The following KLHL29 variants were observed in gnomAD, a reference collection of about 807,000 sequenced individuals.
KLHL29 encodes kelch-like protein 29.
In KLHL29, 21 loss-of-function variants were observed where a neutral mutation model predicts 80.4. The ratio of observed to expected loss-of-function variants is 0.26; its 90% CI spans 0.19 to 0.38. KLHL29 has a LOEUF of 0.38. Among genes scored for constraint, KLHL29 ranks in the 10% least tolerant of loss-of-function variants. The probability of loss-of-function intolerance (pLI) is 1.00; values close to 1 mark genes in which losing one functional copy is unlikely to be tolerated. For missense variants in KLHL29, 867 were observed against 1,223.9 expected, an observed-to-expected ratio of 0.71 and a Z score of 4.35; for synonymous variants, 511 against 526.8, an observed-to-expected ratio of 0.97 and a Z score of 0.41.
chr2:23,488,531 G>T (rs111972275), intron 2 of KLHL29, among the ~76,000 whole-genome samples: 5 of 152,344 alleles, frequency 3.3e-5, no homozygotes, highest in African/African-American at 4.8e-5. Flanking sequence ...GGAAGGAGAG[G>T]CCTGATGGGT....
At chr2:23,482,465 G>T (rs58605779) in intron 2 of KLHL29, among the ~76,000 whole-genome samples, 8,324 of 152,270 alleles carry the variant, frequency 0.055, 277 homozygotes, top group African/African-American at 0.086. Context: ...TGGGAGTGTC[G>T]CTGTGCCCTT....
Position 23,503,969 on chromosome 2 carries a change from C to T in KLHL29, c.-46+28302C>T, listed in dbSNP as rs1247479434. Among the ~76,000 whole-genome samples, 3 of 152,142 alleles carry T rather than the reference C, an allele frequency of 2.0e-5. No individual in the cohort carries two copies. The highest frequency in any genetic ancestry group is 6.5e-5 in the Admixed American group (1 of 15,278). On this transcript the variant is annotated intron_variant, in intron 2 of 13. Coordinates refer to ENST00000486442, the MANE Select transcript of KLHL29 (RefSeq NM_052920.2). This position sits in a 1 kb window ranked among gnomAD's most constrained non-coding sequence, Gnocchi z 4.0. Reference sequence around the variant, plus strand: ...CCAGATGAACCCACTGGGCTGGGAACGCCACACAAAAGCACTCTCCAAGCC... The same window carrying T: ...CCAGATGAACCCACTGGGCTGGGAATGCCACACAAAAGCACTCTCCAAGCC...
At chr2:23,512,015 G>A (rs1209516297) in intron 2 of KLHL29, among the ~76,000 whole-genome samples, 1 of 152,160 alleles carries the variant, frequency 6.6e-6, no homozygotes, top group African/African-American at 2.4e-5. Flanking sequence ...CAGGGCTCTC[G>A]GTAGAAAACA....
intron 13 of KLHL29, among the ~76,000 whole-genome samples, chr2:23,705,963 C>T (rs1444624333): frequency 1.3e-5 from 2 of 152,232 alleles, no homozygotes; most frequent in African/African-American, 2.4e-5. Flanking sequence ...CCCTGCAGAG[C>T]ATGCCCGGCC....
rs1318679936 is a variant in KLHL29, at chr2:23,669,800, C to T, written c.941-14599C>T. 2.6e-5 allele frequency among the ~76,000 whole-genome samples: 4 copies of T among 152,178 alleles called. No individual in the cohort carries two copies. In the East Asian group the frequency reaches 5.8e-4, roughly 22 times the overall value. ...GCAGCCGAGTACACAGGCCTGGCCC[C>T]GCCAGCGCAGGACAGCAACTCTTGG... On this transcript the variant is annotated intron_variant, in intron 5 of 13. Coordinates refer to ENST00000486442, the MANE Select transcript of KLHL29 (RefSeq NM_052920.2). This position sits in a 1 kb window ranked among gnomAD's most constrained non-coding sequence, Gnocchi z 4.3.
intron 3 of KLHL29, among the ~76,000 whole-genome samples, chr2:23,602,130 G>A (rs1247361886): frequency 6.6e-6 from 1 of 152,206 alleles, no homozygotes; most frequent in African/African-American, 2.4e-5. Flanking sequence ...CGAGCACAGA[G>A]TATCCACTGC....
chr2:23,658,095 C>G (rs1391607259), intron 5 of KLHL29, among the ~76,000 whole-genome samples: 1 of 152,006 alleles, frequency 6.6e-6, no homozygotes, highest in Non-Finnish European at 1.5e-5. Flanking sequence ...CCTCCTCCCT[C>G]TCCTGCCCAC....
chr2:23,685,657 G>A (rs964748301), intron 6 of KLHL29, among the ~76,000 whole-genome samples: 1 of 152,244 alleles, frequency 6.6e-6, no homozygotes, highest in Admixed American at 6.5e-5. Flanking sequence ...GGAAGGGGCA[G>A]GCTCTTTGGG....
At chr2:23,563,746 C>G (rs1667513292) in intron 3 of KLHL29, among the ~76,000 whole-genome samples, 1 of 152,220 alleles carries the variant, frequency 6.6e-6, no homozygotes, top group Non-Finnish European at 1.5e-5. Context: ...GAGGCTGAGA[C>G]AATGGAGCTA....
intron 3 of KLHL29, among the ~76,000 whole-genome samples, chr2:23,563,693 T>G (rs940798297): frequency 2.0e-5 from 3 of 152,184 alleles, no homozygotes; most frequent in Non-Finnish European, 4.4e-5. Flanking sequence ...CAGCCCTGCT[T>G]CCCATTAATA....
At chr2:23,429,927 G>A (rs1663123517) in intron 1 of KLHL29, among the ~76,000 whole-genome samples, 1 of 151,840 alleles carries the variant, frequency 6.6e-6, no homozygotes, top group Non-Finnish European at 1.5e-5. Context: ...CACTGTAATA[G>A]GCACTTTACA....
chr2:23,477,831 C>G (rs564979550), intron 2 of KLHL29, among the ~76,000 whole-genome samples: 1 of 152,196 alleles, frequency 6.6e-6, no homozygotes, highest in Non-Finnish European at 1.5e-5. Context: ...CTTGGATGCA[C>G]CTGTGAGTTT....
chr2:23,478,310 G>C (rs1164955475), intron 2 of KLHL29, among the ~76,000 whole-genome samples: 1 of 152,162 alleles, frequency 6.6e-6, no homozygotes, highest in Non-Finnish European at 1.5e-5. Context: ...CTCACATGCA[G>C]GAGTCCCATT....
intron 2 of KLHL29, among the ~76,000 whole-genome samples, chr2:23,521,222 A>C (rs1205592610): frequency 6.6e-6 from 1 of 152,094 alleles, no homozygotes; most frequent in Non-Finnish European, 1.5e-5. Context: ...CCTTGTGGCC[A>C]TGCAGAAGGC....
At chr2:23,546,312 C>G (rs762393726) in intron 2 of KLHL29, among the ~76,000 whole-genome samples, 25 of 152,098 alleles carry the variant, frequency 1.6e-4, no homozygotes, top group Non-Finnish European at 2.5e-4. Context: ...TACAGGGGAC[C>G]CTGCAGAATG....
Position 23,696,002 on chromosome 2 carries a change from C to A in KLHL29, c.1793C>A (p.Thr598Asn). 6 of 1,551,678 alleles carry A rather than the reference C, an allele frequency of 3.9e-6. No homozygotes were observed. Among genetic ancestry groups the A allele is most frequent in the Admixed American group, 2.0e-5 (1 of 50,998 alleles). ...GGGGGCCGTCAGATGGTGGGGATGA[C>A]CCAGCGCTCGCTGGTGGCCGTCACC... ...LVGGRQMVGM[T>N]QRSLVAVTCW... The change falls in exon 10 of 14, where the codon ACC becomes AAC. Residue 598 changes from threonine (T) to asparagine (N), a missense_variant. Thr to Asn is a moderately conservative substitution (Grantham distance 65, BLOSUM62 0). Around this residue, in one of 2 missense-constraint regions of KLHL29, gnomAD observed 443 missense variants for 767.0 expected, o/e 0.58. Coordinates refer to ENST00000486442, the MANE Select transcript of KLHL29 (RefSeq NM_052920.2). The surrounding 1 kb of genome is among the most constrained non-coding windows in gnomAD (Gnocchi z 5.5).
chr2:23,607,702 G>A (rs1471668413), intron 3 of KLHL29, among the ~76,000 whole-genome samples: 1 of 152,158 alleles, frequency 6.6e-6, no homozygotes, highest in Admixed American at 6.5e-5. Flanking sequence ...ATTCTCATAG[G>A]ACCGTGAACC....
intron 3 of KLHL29, among the ~76,000 whole-genome samples, chr2:23,630,005 G>T (rs992051093): frequency 3.9e-5 from 6 of 152,320 alleles, no homozygotes; most frequent in Non-Finnish European, 1.5e-5. Flanking sequence ...GAAACGGAGG[G>T]GCAGGGAGTT....
chr2:23,544,000 T>A (rs1183826474), intron 2 of KLHL29, among the ~76,000 whole-genome samples: 1 of 152,172 alleles, frequency 6.6e-6, no homozygotes, highest in Non-Finnish European at 1.5e-5. Flanking sequence ...TTTGTGCAAC[T>A]GGCCTGAACT....
Sources: gnomAD v4.1 joint callset for allele counts (sites outside exome capture counted in the v4.1 genomes callset) on GRCh38, gnomAD v4.1.1 for gene constraint, gnomAD v4.1.1 regional missense constraint, Gnocchi (gnomAD v3.1) non-coding constraint, MANE v1.5 for transcripts, NCBI Gene and HGNC (gene_info 2026-07-23, HGNC 2026-07-21) for gene names.